Variants in RBFOX1 observed in about 807,000 individuals in gnomAD.
The protein encoded by RBFOX1 is RNA binding fox-1 homolog 1, also known as RNA binding protein fox-1 homolog 1.
A neutral mutation model predicts 57.7 loss-of-function variants in RBFOX1; 8 were observed. That is an observed-to-expected ratio of 0.14 (90% CI 0.08 to 0.25). The LOEUF is 0.25. Ranked by LOEUF, RBFOX1 falls within the 10% of genes least tolerant of loss-of-function variation. The probability of loss-of-function intolerance (pLI) is 1.00; values close to 1 mark genes in which losing one functional copy is unlikely to be tolerated. For missense variants in RBFOX1, 611 were observed against 548.5 expected (o/e 1.11, Z -1.14); for synonymous variants, 326 against 222.4 (o/e 1.47, Z -4.15).
At chr16:6,069,190 G>C (rs1359784940) in intron 1 of RBFOX1, among the ~76,000 whole-genome samples, 1 of 151,940 alleles carries the variant, frequency 6.6e-6, no homozygotes, top group Non-Finnish European at 1.5e-5. Flanking sequence ...CCTGAGGTCG[G>C]GAGTTGGAGA....
At chr16:6,707,709 G>C (rs758631677) in intron 3 of RBFOX1, among the ~76,000 whole-genome samples, 1 of 152,070 alleles carries the variant, frequency 6.6e-6, no homozygotes, top group African/African-American at 2.4e-5. Context: ...CTTCCTCCCA[G>C]TTTCTGCTCC....
intron 1 of RBFOX1, among the ~76,000 whole-genome samples, chr16:5,403,225 T>A (rs1424362930): frequency 6.6e-6 from 1 of 151,636 alleles, no homozygotes; most frequent in Admixed American, 6.6e-5. Flanking sequence ...TGGTGCATGC[T>A]TGTAATCCCA....
chr16:7,197,998 C>CTTTCT (rs61556349), intron 4 of RBFOX1, among the ~76,000 whole-genome samples: 4 of 55,594 alleles, frequency 7.2e-5, no homozygotes, highest in African/African-American at 2.2e-4. Context: ...TTCTTTCTTT[C>CTTTCT]TTTTTTTTTT....
intron 2 of RBFOX1, among the ~76,000 whole-genome samples, chr16:6,641,097 A>T (rs996867766): frequency 1.3e-5 from 2 of 152,150 alleles, no homozygotes; most frequent in Non-Finnish European, 2.9e-5. Context: ...AGTGCACTAA[A>T]CCTCAATTTG....
chr16:7,701,399 TTAGATTCTCA>T (rs2080675308), intron 14 of RBFOX1, among the ~76,000 whole-genome samples: 1 of 152,172 alleles, frequency 6.6e-6, no homozygotes, highest in African/African-American at 2.4e-5. Context: ...AGTGGCAGCA[TTAGATTCTCA>T]TGGGAGCACC....
Position 5,890,248 on chromosome 16 carries a change from C to T in RBFOX1, c.351+22913C>T, listed in dbSNP as rs966188375. Among the ~76,000 whole-genome samples, 4 of 152,198 alleles carry T rather than the reference C, an allele frequency of 2.6e-5. No individual in the cohort carries two copies. In the South Asian group the frequency reaches 6.2e-4, roughly 24 times the overall value. Reference sequence around the variant, plus strand: ...GATAATAATATCTAATTATAACAGGCATTAGTAATGCTCTCTCCTTAGCAG... The same window carrying T: ...GATAATAATATCTAATTATAACAGGTATTAGTAATGCTCTCTCCTTAGCAG... On this transcript the variant is annotated intron_variant, in intron 4 of 19. Coordinates refer to the RBFOX1 transcript ENST00000641259.
intron 1 of RBFOX1, among the ~76,000 whole-genome samples, chr16:5,323,819 C>G (rs1352606644): frequency 6.6e-6 from 1 of 152,202 alleles, no homozygotes; most frequent in Non-Finnish European, 1.5e-5. Flanking sequence ...GGGTTCTGTG[C>G]CAACTGGCTG....
chr16:6,201,633 T>A (rs1425327671), intron 1 of RBFOX1, among the ~76,000 whole-genome samples: 1 of 152,122 alleles, frequency 6.6e-6, no homozygotes, highest in Non-Finnish European at 1.5e-5. Context: ...GTTAACTATA[T>A]TTTAGTGTAT....
chr16:6,836,578 C>G (rs1203484779), intron 3 of RBFOX1, among the ~76,000 whole-genome samples: 1 of 152,120 alleles, frequency 6.6e-6, no homozygotes, highest in South Asian at 2.1e-4. Context: ...CTAGAGAAAT[C>G]AAATCATCTT....
intron 4 of RBFOX1, among the ~76,000 whole-genome samples, chr16:7,062,535 A>AC (rs2054699933): frequency 6.6e-6 from 1 of 151,976 alleles, no homozygotes; most frequent in South Asian, 2.1e-4. Context: ...GGTAGCTAGT[A>AC]CTTTATTATT....
chr16:7,055,361 T>C (rs2051790985), intron 4 of RBFOX1, among the ~76,000 whole-genome samples: 1 of 152,148 alleles, frequency 6.6e-6, no homozygotes, highest in African/African-American at 2.4e-5. Context: ...AAGAGTTATT[T>C]ACAAAAATAA....
At chr16:6,898,900 C>CTGT (rs61275618) in intron 3 of RBFOX1, among the ~76,000 whole-genome samples, 62,581 of 142,752 alleles carry the variant, frequency 0.44, 13,085 homozygotes, top group South Asian at 0.5. Flanking sequence ...GTGTGCATCT[C>CTGT]GTATGTGTTT....
chr16:6,336,179 ATATTTTTTTTTTTTTTTTTTT>A (rs1411454684), intron 2 of RBFOX1, among the ~76,000 whole-genome samples: 161 of 24,932 alleles, frequency 6.5e-3, no homozygotes, highest in South Asian at 0.017. Flanking sequence ...ATATATATAT[ATATTTTTTTTTTTTTTTTTTT>A]TTTTTTTTTT....
intron 2 of RBFOX1, among the ~76,000 whole-genome samples, chr16:5,516,277 TCCATCACTTCCTGTCTC>T (rs1165819702): frequency 1.3e-5 from 2 of 152,072 alleles, no homozygotes; most frequent in Admixed American, 6.6e-5. Context: ...TTTCCTATCT[TCCATCACTTCCTGTCTC>T]CCATCACTTC....
rs530393066 is a variant in RBFOX1, at chr16:6,794,587, C to T, written c.-16+139937C>T. ...TGCATAGGCTGTTTAGCAGAAAACT[C>T]ATTCAGTGACCTACATATAAATCAT... On this transcript the variant is annotated intron_variant, in intron 3 of 15. Coordinates refer to ENST00000550418, the MANE Select transcript of RBFOX1 (RefSeq NM_018723.4). 3.9e-5 allele frequency among the ~76,000 whole-genome samples: 6 copies of T among 152,188 alleles called. No individual in the cohort carries two copies. The East Asian group carries it at 9.7e-4, about 25-fold the overall frequency.
At chr16:5,327,198 C>T (rs1209747059) in intron 1 of RBFOX1, among the ~76,000 whole-genome samples, 1 of 146,670 alleles carries the variant, frequency 6.8e-6, no homozygotes, top group African/African-American at 2.5e-5. Flanking sequence ...GTGTGTAGAT[C>T]CCCTGCATCA....
chr16:6,740,125 A>G (rs28851270), intron 3 of RBFOX1, among the ~76,000 whole-genome samples: 14,728 of 152,254 alleles, frequency 0.097, 946 homozygotes, highest in African/African-American at 0.17. Context: ...TTGAAAATCA[A>G]TTGATGTTAT....
At chr16:7,120,629 G>C (rs1428368996) in intron 4 of RBFOX1, among the ~76,000 whole-genome samples, 6 of 149,784 alleles carry the variant, frequency 4.0e-5, no homozygotes, top group African/African-American at 1.5e-4. Context: ...AAAATATCCT[G>C]CCAAAATAAA....
At chr16:7,194,236 G>C (rs548729094) in intron 4 of RBFOX1, among the ~76,000 whole-genome samples, 1 of 152,116 alleles carries the variant, frequency 6.6e-6, no homozygotes, top group Non-Finnish European at 1.5e-5. Flanking sequence ...TACAGGTAAT[G>C]GTTGTTAGAT....
Sources: allele counts gnomAD v4.1 joint callset (sites outside exome capture counted in the v4.1 genomes callset), GRCh38; gene constraint gnomAD v4.1.1; transcripts MANE v1.5; gene names NCBI Gene and HGNC (gene_info 2026-07-23, HGNC 2026-07-21).